GGNBP2: variants seen among roughly 807,000 people sequenced by gnomAD.
GGNBP2 encodes the protein gametogenetin binding protein 2, also known as gametogenetin-binding protein 2.
GGNBP2 carries 10 observed loss-of-function variants against 85.9 expected under a neutral mutation model. The observed-to-expected ratio is 0.12, with a 90% CI of 0.07 to 0.20. The LOEUF (loss-of-function observed/expected upper bound fraction) is 0.20. Among genes scored for constraint, GGNBP2 ranks in the 10% least tolerant of loss-of-function variants. The pLI, the probability that GGNBP2 is intolerant of heterozygous loss-of-function variation, is 1.00. For synonymous variants in GGNBP2, 287 were observed against 285.7 expected, an observed-to-expected ratio of 1.00 and a Z score of -0.05; for missense variants, 595 against 857.8, an observed-to-expected ratio of 0.69 and a Z score of 3.83.
chr17:36,545,343 G>C (rs1365805305), intron 1 of GGNBP2, among the ~76,000 whole-genome samples: 2 of 151,350 alleles, frequency 1.3e-5, no homozygotes, highest in Middle Eastern at 3.2e-3. Flanking sequence ...TGCAGCGGGC[G>C]GGGAAGCCCC....
rs1470718953 is a variant in GGNBP2, at chr17:36,545,750, G to A, written c.26G>A (p.Arg9Lys). The change falls in exon 2 of 14, where the codon AGG becomes AAG. Residue 9 changes from arginine (R) to lysine (K), a missense_variant. Transcript: ENST00000613102. The stretch of plus-strand genomic sequence containing the variant: ...ATGGCGCGACTCGTGGCAGTGTGCA[G>A]GGACGGGGAGGAGGAGTTCCCCTTC... Reference protein sequence around the residue: MARLVAVCRDGEEEFPFER... With the variant: MARLVAVCKDGEEEFPFER... The A allele has an allele frequency of 5.1e-6, 8 of 1,582,012 alleles. No individual in the cohort carries two copies. The highest frequency in any genetic ancestry group is 1.3e-5 in the African/African-American group (1 of 74,118).
In GGNBP2 at chr17:36,585,416, T is replaced by A. The variant is rs146879752; in HGVS notation, c.1332T>A (p.Ser444Arg). ...ATACATCATGTACCTGTCCTAGCAG[T>A]GGCAATCTTTTGGGGTCCCCTAAAA... is the stretch of plus-strand genomic sequence containing the variant. ...NENTSCTCPS[S>R]GNLLGSPKIK... The change falls in exon 10 of 14, where the codon AGT becomes AGA. Residue 444 changes from serine to arginine, a missense_variant. Transcript: ENST00000613102. The A allele has an allele frequency of 1.9e-6, 3 of 1,608,308 alleles. No homozygotes were observed. The highest frequency in any genetic ancestry group is 2.5e-6 in the Non-Finnish European group (3 of 1,177,540).
chr17:36,575,774 G>A (rs1319557000), intron 6 of GGNBP2, among the ~76,000 whole-genome samples: 2 of 149,764 alleles, frequency 1.3e-5, no homozygotes, highest in Non-Finnish European at 3.0e-5. Flanking sequence ...AGCCTCCTGA[G>A]TAGCTGGGAT....
chr17:36,585,346 C>T lies in GGNBP2; in HGVS notation c.1262C>T (p.Thr421Ile), dbSNP rs1219428273. 6.2e-7 allele frequency: 1 copy of T among 1,612,666 alleles called. No individual in the cohort carries two copies. Among genetic ancestry groups the T allele is most frequent in the Non-Finnish European group, 8.5e-7 (1 of 1,179,188 alleles). The change falls in exon 10 of 14, where the codon ACT (threonine) becomes ATT (isoleucine). Residue 421 changes from threonine (T) to isoleucine (I), a missense_variant. By Grantham distance (89) the Thr-to-Ile change is moderately conservative. This residue lies in a region of GGNBP2 where 85 missense variants were observed against 92.6 expected (regional missense o/e 0.92). Coordinates refer to ENST00000613102, the MANE Select transcript of GGNBP2 (RefSeq NM_024835.5). ...AGCAGCTGCAAAGCCTGTGGCAGCA[C>T]TGAAGATGGTAATACTTGTGTAGAA... Reference protein sequence around the residue: ...ENSSCKACGSTEDGNTCVEVI... With the variant: ...ENSSCKACGSIEDGNTCVEVI...
intron 12 of GGNBP2, 110 bp downstream of exon 12, chr17:36,586,308 A>G: frequency 7.2e-7 from 1 of 1,382,126 alleles, no homozygotes; most frequent in East Asian, 2.5e-5. Flanking sequence ...CTTTTTTTAG[A>G]ATGAGTTCTT....
In GGNBP2 at chr17:36,556,994, T is replaced by C. The variant is rs758564508; in HGVS notation, c.175-89T>C. On this transcript the variant is annotated intron_variant, in intron 3 of 13. Coordinates refer to ENST00000613102, the MANE Select transcript of GGNBP2 (RefSeq NM_024835.5). ...GGTAAACCCTGGCCAGGTTGTACTT[T>C]ACTGCACAAGGATAGGAACCAGTAG... 2.3e-5 allele frequency: 35 copies of C among 1,502,104 alleles called. 1 individual carries two copies. Among genetic ancestry groups the C allele is most frequent in the Middle Eastern group, 3.4e-4 (2 of 5,838 alleles). 93.0% of individuals were successfully genotyped at this position (1,502,104 alleles called of 1,614,324 possible).
chr17:36,579,660 T>G (rs2074626088), intron 8 of GGNBP2, among the ~76,000 whole-genome samples: 1 of 152,198 alleles, frequency 6.6e-6, no homozygotes, highest in African/African-American at 2.4e-5. Context: ...TAGCTTTGGT[T>G]TTTAGACTTT....
chr17:36,571,650 G>C (rs555520513), intron 6 of GGNBP2, among the ~76,000 whole-genome samples: 1 of 151,610 alleles, frequency 6.6e-6, no homozygotes, highest in African/African-American at 2.4e-5. Context: ...GACTATCCTG[G>C]CTAACACTGT....
At chr17:36,578,421 G>A in intron 7 of GGNBP2, 1 of 426,884 alleles carries the variant, frequency 2.3e-6, no homozygotes, top group Non-Finnish European at 4.1e-6. Flanking sequence ...TTGAAGGGAG[G>A]CAGGCTTTTT....
At chr17:36,558,311 A>G (rs1405040811) in intron 4 of GGNBP2, among the ~76,000 whole-genome samples, 1 of 138,502 alleles carries the variant, frequency 7.2e-6, no homozygotes, top group Admixed American at 7.4e-5. Flanking sequence ...GCTACTCGAG[A>G]GGCTGAGGCA....
chr17:36,579,939 G>A (rs2074629583), intron 8 of GGNBP2, among the ~76,000 whole-genome samples: 1 of 152,052 alleles, frequency 6.6e-6, no homozygotes, highest in Admixed American at 6.6e-5. Context: ...CAACCTGGGA[G>A]GTGGAGGTTG....
chr17:36,566,214 G>A (rs1307191233), intron 5 of GGNBP2, among the ~76,000 whole-genome samples: 1 of 152,196 alleles, frequency 6.6e-6, no homozygotes, highest in Non-Finnish European at 1.5e-5. Flanking sequence ...AATCAAGAAG[G>A]CTGTGATTGA....
At position 36,545,682 on chromosome 17, in the gene GGNBP2, C is replaced by T. The variant is rs931489047; in HGVS notation, c.-43C>T. The T allele has an allele frequency of 1.4e-6, 2 of 1,457,666 alleles. No homozygotes were observed. Among genetic ancestry groups the T allele is most frequent in the Non-Finnish European group, 1.9e-6 (2 of 1,063,340 alleles). 90.3% of individuals were successfully genotyped at this position (1,457,666 alleles called of 1,614,324 possible). ...ACAGCAGCGGCGGCGGCGGCGGCAG[C>T]TGGGAGGAGGTGGTGACGGTGGCAA... On this transcript the variant is annotated 5_prime_UTR_variant, in exon 2 of 14. Transcript: ENST00000613102.
intron 6 of GGNBP2, chr17:36,576,686 T>G (rs2074594710): frequency 6.9e-6 from 1 of 145,098 alleles, no homozygotes; most frequent in African/African-American, 2.6e-5. Context: ...TATATATATA[T>G]AGCATAGGCA....
At chr17:36,562,882 T>C (rs1199217744) in intron 5 of GGNBP2, among the ~76,000 whole-genome samples, 2 of 146,000 alleles carry the variant, frequency 1.4e-5, no homozygotes, top group Non-Finnish European at 3.0e-5. Context: ...GGAGAATTGC[T>C]TGAACCCAAG....
In GGNBP2 at chr17:36,557,466, CAGTGGATGTA is replaced by C. The variant is rs928201018; in HGVS notation, c.428+132_428+141del. 5 of 754,652 alleles carry C rather than the reference CAGTGGATGTA, an allele frequency of 6.6e-6. No individual in the cohort carries two copies. In the African/African-American group the frequency reaches 8.8e-5, roughly 13 times the overall value. The allele number at this position is 754,652 out of a possible 1,614,324, so 46.7% of individuals were successfully genotyped here. On this transcript the variant is annotated intron_variant, in intron 4 of 13. Coordinates refer to ENST00000613102, the MANE Select transcript of GGNBP2 (RefSeq NM_024835.5). ...ATTTTATTGAGTAAGTTGTATGTAC[CAGTGGATGTA>C]AAGTTTCAACTCTCCACGTGGGGAG... is the stretch of plus-strand genomic sequence containing the variant.
At chr17:36,577,298 T>TAGA (rs1302345208) in intron 6 of GGNBP2, 1 of 152,236 alleles carries the variant, frequency 6.6e-6, no homozygotes, top group Non-Finnish European at 1.5e-5. Flanking sequence ...CAAACTCTTC[T>TAGA]ATTCTTTTGC....
intron 6 of GGNBP2, among the ~76,000 whole-genome samples, chr17:36,573,359 C>T (rs572389750): frequency 1.3e-5 from 2 of 152,190 alleles, no homozygotes; most frequent in African/African-American, 4.8e-5. Flanking sequence ...GTGATCCATT[C>T]GCCTCGGTCT....
At chr17:36,589,161 A>AT in intron 13 of GGNBP2, 47 bp from the exon 14 acceptor site, 1 of 1,375,964 alleles carries the variant, frequency 7.3e-7, no homozygotes, top group Non-Finnish European at 1.0e-6. Context: ...ATTACATAAC[A>AT]TTTTGCATTC....
Sources: gnomAD v4.1 joint callset for allele counts (sites outside exome capture counted in the v4.1 genomes callset) on GRCh38, gnomAD v4.1.1 for gene constraint, gnomAD v4.1.1 regional missense constraint, MANE v1.5 for transcripts, NCBI Gene and HGNC (gene_info 2026-07-23, HGNC 2026-07-21) for gene names.